The following VIPR1 variants were observed in gnomAD, a reference collection of about 807,000 sequenced individuals.
The protein encoded by VIPR1 is vasoactive intestinal polypeptide receptor 1.
Under a neutral mutation model 58.8 loss-of-function variants are expected in VIPR1, and 59 were observed. The ratio of observed to expected loss-of-function variants is 1.00; its 90% CI spans 0.81 to 1.25. The LOEUF (loss-of-function observed/expected upper bound fraction) is 1.25. Among genes scored for constraint, VIPR1 ranks in the 50% most tolerant of loss-of-function variants. The pLI is 0.00. For missense variants in VIPR1, 626 were observed against 602.7 expected (o/e 1.04, Z -0.40); for synonymous variants, 251 against 242.1 (o/e 1.04, Z -0.34).
chr3:42,529,663 A>G (rs1701429198), intron 6 of VIPR1: 1 of 152,082 alleles, frequency 6.6e-6, no homozygotes, highest in Non-Finnish European at 1.5e-5. Flanking sequence ...GTGGGAACCA[A>G]TGTTTTGGGT....
chr3:42,495,593 T>C (rs1433237540), intron 1 of VIPR1, among the ~76,000 whole-genome samples: 2 of 151,982 alleles, frequency 1.3e-5, no homozygotes, highest in African/African-American at 2.4e-5. Flanking sequence ...CTTAATCAGG[T>C]GAGCCCTTTA....
intron 2 of VIPR1, among the ~76,000 whole-genome samples, chr3:42,514,570 CACAT>C (rs964175439): frequency 7.4e-5 from 11 of 149,378 alleles, no homozygotes; most frequent in African/African-American, 1.8e-4. Context: ...CACACACACA[CACAT>C]ACACACACGC....
rs1274821697 is a variant in VIPR1, at chr3:42,525,937, C to A, written c.343C>A (p.Pro115Thr). 40 of 1,613,680 alleles carry A rather than the reference C, an allele frequency of 2.5e-5. No individual in the cohort carries two copies. The highest frequency in any genetic ancestry group is 3.3e-5 in the Non-Finnish European group (39 of 1,179,854). The change falls in exon 4 of 13, where the codon CCT becomes ACT. Residue 115 changes from proline to threonine, a missense_variant. Coordinates refer to ENST00000325123, the MANE Select transcript of VIPR1 (RefSeq NM_004624.4). ...CTDEGWTHLEPGPYPIACGLD... is the reference protein window; with the variant it reads ...CTDEGWTHLETGPYPIACGLD... Reference sequence around the variant, plus strand: ...CGACGAAGGCTGGACGCACCTGGAGCCTGGCCCGTACCCCATTGCCTGTGG... The same window carrying A: ...CGACGAAGGCTGGACGCACCTGGAGACTGGCCCGTACCCCATTGCCTGTGG...
chr3:42,502,844 G>A (rs1392528509), intron 1 of VIPR1, 31 bp downstream of exon 1: 4 of 1,247,192 alleles, frequency 3.2e-6, no homozygotes, highest in East Asian at 3.2e-5. Flanking sequence ...CCAGAGTCCC[G>A]GCAGCCTGGG....
In VIPR1 at chr3:42,530,842, C is replaced by T. The variant is rs887516006; in HGVS notation, c.700C>T (p.Leu234=). 3.7e-6 allele frequency: 6 copies of T among 1,614,014 alleles called. No homozygotes were observed. The African/African-American group carries it at 8.0e-5, about 22-fold the overall frequency. Residue 234 remains leucine (L), a synonymous_variant, in exon 7 of 13, where the codon CTG becomes TTG. Transcript: ENST00000325123. The part of the protein sequence containing the change: ...YCVMANFFWL[L]VEGLYLYTLL... ...TGTCATGGCTAACTTCTTCTGGCTG[C>T]TGGTGGAGGGCCTCTACCTGTACAC... is the stretch of plus-strand genomic sequence containing the variant.
At chr3:42,490,668 T>C (rs540046399) in intron 1 of VIPR1, among the ~76,000 whole-genome samples, 1 of 151,796 alleles carries the variant, frequency 6.6e-6, no homozygotes, top group East Asian at 1.9e-4. Flanking sequence ...ACACAATACC[T>C]TGGAAGGTGA....
At chr3:42,524,858 C>T (rs1388952992) in intron 3 of VIPR1, among the ~76,000 whole-genome samples, 1 of 152,160 alleles carries the variant, frequency 6.6e-6, no homozygotes, top group Non-Finnish European at 1.5e-5. Flanking sequence ...AGTAACCAAC[C>T]TCTTGGGGCC....
chr3:42,512,633 G>A, intron 1 of VIPR1: 1 of 608,954 alleles, frequency 1.6e-6, no homozygotes, highest in Non-Finnish European at 2.1e-6. Flanking sequence ...GGGAGGTAAG[G>A]ACCCTGTCCC....
At position 42,531,478 on chromosome 3, in the gene VIPR1, C is replaced by T. The variant is rs1480342633; in HGVS notation, c.798C>T (p.Pro266=). 1 of 1,584,328 alleles carries T rather than the reference C, an allele frequency of 6.3e-7. No individual in the cohort carries two copies. Among genetic ancestry groups the T allele is most frequent in the South Asian group, 1.2e-5 (1 of 86,746 alleles). ...WGYILIGWGV[P]STFTMVWTIA... is the part of the protein sequence containing the mutation. Reference sequence around the variant, plus strand: ...TCTCCCTGGGCCTGACAGGGGTACCCAGCACATTCACCATGGTGTGGACCA... The same window carrying T: ...TCTCCCTGGGCCTGACAGGGGTACCTAGCACATTCACCATGGTGTGGACCA... The change falls in exon 8 of 13, where the codon CCC becomes CCT. Residue 266 remains proline, a synonymous_variant. Coordinates refer to ENST00000325123, the MANE Select transcript of VIPR1 (RefSeq NM_004624.4).
In VIPR1 at chr3:42,532,424, C is replaced by A; in HGVS notation, c.1010+91C>A. ...CTCCTTGAAGTCCTCCCACCCCAAACATCCAGAGTCACCAAAGAGCCACAT... is the reference window on the plus strand; with the variant it reads ...CTCCTTGAAGTCCTCCCACCCCAAAAATCCAGAGTCACCAAAGAGCCACAT... On this transcript the variant is annotated intron_variant, in intron 10 of 12. Transcript: ENST00000325123. The A allele has an allele frequency of 2.3e-6, 3 of 1,323,486 alleles. No homozygotes were observed. In the African/African-American group the frequency reaches 4.4e-5, roughly 19 times the overall value. The allele number at this position is 1,323,486 out of a possible 1,614,324, so 82.0% of individuals were successfully genotyped here. A position where few individuals can be genotyped will look rare whatever the true frequency, so the allele number is the denominator to read the frequency against.
intron 1 of VIPR1, chr3:42,512,706 G>A: frequency 1.0e-6 from 1 of 981,874 alleles, no homozygotes; most frequent in Non-Finnish European, 1.2e-6. Flanking sequence ...GGTCTTGCTG[G>A]ACTCTCTTCT....
chr3:42,490,754 A>C (rs1699651724), intron 1 of VIPR1, among the ~76,000 whole-genome samples: 1 of 151,992 alleles, frequency 6.6e-6, no homozygotes, highest in Admixed American at 6.5e-5. Flanking sequence ...AGTATTAAGG[A>C]GGGGGACTGG....
intron 1 of VIPR1, among the ~76,000 whole-genome samples, chr3:42,495,737 C>T (rs2125624421): frequency 6.6e-6 from 1 of 152,086 alleles, no homozygotes; most frequent in South Asian, 2.1e-4. Flanking sequence ...ATGGCTAGAA[C>T]CTGAGGTCAA....
intron 1 of VIPR1, among the ~76,000 whole-genome samples, chr3:42,495,400 C>T (rs1262874982): frequency 6.6e-6 from 1 of 152,184 alleles, no homozygotes; most frequent in Non-Finnish European, 1.5e-5. Flanking sequence ...GGATTACAGG[C>T]ATGAGCCACT....
chr3:42,524,121 C>T (rs1412270010), intron 3 of VIPR1, among the ~76,000 whole-genome samples: 3 of 152,192 alleles, frequency 2.0e-5, no homozygotes, highest in Admixed American at 1.3e-4. Flanking sequence ...AGCCCTTAAC[C>T]CTGTTTTCTA....
chr3:42,502,908 C>T, intron 1 of VIPR1, 95 bp downstream of exon 1: 1 of 994,588 alleles, frequency 1.0e-6, no homozygotes, highest in Non-Finnish European at 1.3e-6. Flanking sequence ...CGTCTGTGCG[C>T]GTGTCTGTGT....
At chr3:42,496,119 C>A (rs542650213) in intron 1 of VIPR1, among the ~76,000 whole-genome samples, 6 of 152,202 alleles carry the variant, frequency 3.9e-5, no homozygotes, top group Admixed American at 1.3e-4. Context: ...TGCCTGTAAT[C>A]CCAGCTACTC....
intron 12 of VIPR1, 24 bp from the exon 13 acceptor site, chr3:42,536,066 C>A: frequency 6.4e-7 from 1 of 1,569,350 alleles, no homozygotes; most frequent in Non-Finnish European, 8.6e-7. Flanking sequence ...CAGCAGTGGG[C>A]CTGACCACCT....
chr3:42,489,509 GTGGCTTCCCC>G (rs1699629396), exon 1 of VIPR1: 1 of 152,370 alleles, frequency 6.6e-6, no homozygotes, highest in African/African-American at 2.4e-5. Context: ...TAAAGGAGCT[GTGGCTTCCCC>G]CCAATCAGAA....
Sources: allele counts gnomAD v4.1 joint callset (sites outside exome capture counted in the v4.1 genomes callset), GRCh38; gene constraint gnomAD v4.1.1; transcripts MANE v1.5; gene names NCBI Gene and HGNC (gene_info 2026-07-23, HGNC 2026-07-21).